DENND1A: variants seen among roughly 807,000 people sequenced by gnomAD.
DENND1A encodes the protein DENN domain containing 1A.
A neutral mutation model predicts 113.7 loss-of-function variants in DENND1A; 51 were observed. That is an observed-to-expected ratio of 0.45 (90% CI 0.36 to 0.57). DENND1A has a LOEUF of 0.57. Among genes scored for constraint, DENND1A ranks in the 20% least tolerant of loss-of-function variants. The probability of loss-of-function intolerance (pLI) is 0.00; values close to 1 mark genes in which losing one functional copy is unlikely to be tolerated. For synonymous variants in DENND1A, 565 were observed against 570.8 expected, an observed-to-expected ratio of 0.99 and a Z score of 0.14; for missense variants, 1,258 against 1,395.9, an observed-to-expected ratio of 0.90 and a Z score of 1.57.
chr9:123,630,374 A>ACCAGCAGTAGT lies in DENND1A; in HGVS notation c.710_719+1dup. ...AGCAGAGGACAGGGCCAGCCACCTTACCAGCAGTAGTCCAGCAGATGCGGC... is the reference window on the plus strand; with the variant it reads ...AGCAGAGGACAGGGCCAGCCACCTTACCAGCAGTAGTCCAGCAGTAGTCCAGCAGATGCGGC... On this transcript the variant is annotated splice_donor_variant, in intron 10 of 23. Transcript: ENST00000394215. LOFTEE classifies it high-confidence loss of function. 6.3e-7 allele frequency: 1 copy of ACCAGCAGTAGT among 1,589,672 alleles called. No individual in the cohort carries two copies.
At chr9:123,498,662 G>A (rs1293897403) in intron 13 of DENND1A, among the ~76,000 whole-genome samples, 1 of 152,156 alleles carries the variant, frequency 6.6e-6, no homozygotes, top group Non-Finnish European at 1.5e-5. Context: ...GGGGTCCAAT[G>A]GGCAAGTGTA....
chr9:123,706,490 G>A (rs895632923), intron 5 of DENND1A, among the ~76,000 whole-genome samples: 4 of 151,978 alleles, frequency 2.6e-5, no homozygotes, highest in Admixed American at 2.0e-4. Context: ...GAGAAGGGTC[G>A]GCTGGGCGCG....
intron 3 of DENND1A, among the ~76,000 whole-genome samples, chr9:123,786,519 T>C (rs1832205343): frequency 1.3e-5 from 2 of 152,182 alleles, no homozygotes; most frequent in Admixed American, 1.3e-4. Context: ...AGAGACGGAA[T>C]CTACTTCTCT....
At chr9:123,538,753 T>C (rs1589041052) in intron 13 of DENND1A, among the ~76,000 whole-genome samples, 1 of 89,628 alleles carries the variant, frequency 1.1e-5, no homozygotes, top group Non-Finnish European at 2.2e-5. Flanking sequence ...TGTGTGAGTG[T>C]GTGTGTGTGT....
At chr9:123,754,605 A>C (rs986740323) in intron 5 of DENND1A, among the ~76,000 whole-genome samples, 1 of 152,204 alleles carries the variant, frequency 6.6e-6, no homozygotes, top group Admixed American at 6.5e-5. Context: ...CCATCTCCCC[A>C]GCTAGTCTGG....
chr9:123,806,214 A>T (rs1483466027), intron 2 of DENND1A, among the ~76,000 whole-genome samples: 1 of 151,588 alleles, frequency 6.6e-6, no homozygotes, highest in South Asian at 2.1e-4. Context: ...TCAGCCTCCC[A>T]AAGTGCTGGG....
At chr9:123,669,062 A>G (rs1458492917) in intron 7 of DENND1A, among the ~76,000 whole-genome samples, 3 of 152,224 alleles carry the variant, frequency 2.0e-5, no homozygotes, top group Admixed American at 1.3e-4. Context: ...TGTTATATAT[A>G]TGAAATGCTT....
chr9:123,902,349 T>A (rs1044819712), intron 1 of DENND1A, among the ~76,000 whole-genome samples: 1 of 152,218 alleles, frequency 6.6e-6, no homozygotes, highest in Admixed American at 6.5e-5. Context: ...TCTAACAGAA[T>A]GCACTCTAGA....
intron 1 of DENND1A, among the ~76,000 whole-genome samples, chr9:123,881,386 A>G (rs1373068491): frequency 6.6e-6 from 1 of 152,226 alleles, no homozygotes; most frequent in Non-Finnish European, 1.5e-5. Context: ...AGGTTCTTTC[A>G]TGAGTAATAG....
At chr9:123,617,633 G>C (rs2060723356) in intron 10 of DENND1A, among the ~76,000 whole-genome samples, 1 of 152,200 alleles carries the variant, frequency 6.6e-6, no homozygotes, top group African/African-American at 2.4e-5. Flanking sequence ...GAGCCTCCTT[G>C]GCCTACCGGA....
chr9:123,752,573 C>T (rs1395056490), intron 5 of DENND1A, among the ~76,000 whole-genome samples: 1 of 152,114 alleles, frequency 6.6e-6, no homozygotes, highest in Non-Finnish European at 1.5e-5. Context: ...ACATATCTCC[C>T]CATAACCCTC....
rs376621507 is a variant in DENND1A, at chr9:123,878,941, T to C, written c.88+10A>G. The C allele has an allele frequency of 8.9e-5, 143 of 1,613,574 alleles. 1 individual carries two copies. The South Asian group carries it at 1.5e-3, about 17-fold the overall frequency. ...TAACACACCATATCATAATCAAACA[T>C]GCAAAGTACCTGAAAGAGTGCCACC... On this transcript the variant is annotated intron_variant, in intron 2 of 23. Transcript: ENST00000394215.
rs202191290 is a variant in DENND1A, at chr9:123,382,593, G to A, written c.2052C>T (p.Arg684=). ...RLDLGGSERS[R]GVTVALKLTH... is the part of the protein sequence containing the mutation. ...TAAGCTTCAAGGCCACTGTCACCCCGCGGCTCCTCTCACTCCCGCCCAGAT... is the reference window on the plus strand; with the variant it reads ...TAAGCTTCAAGGCCACTGTCACCCCACGGCTCCTCTCACTCCCGCCCAGAT... The change falls in exon 24 of 24, where the codon CGC becomes CGT. Residue 684 remains arginine, a synonymous_variant. Transcript: ENST00000394215. 7.4e-5 allele frequency: 120 copies of A among 1,614,056 alleles called. No individual in the cohort carries two copies. The East Asian group carries it at 1.6e-3, about 22-fold the overall frequency.
chr9:123,567,979 A>G (rs1222690806), intron 12 of DENND1A, among the ~76,000 whole-genome samples: 1 of 152,218 alleles, frequency 6.6e-6, no homozygotes, highest in Non-Finnish European at 1.5e-5. Context: ...GAAAAGCAAA[A>G]CTAAAACTAT....
intron 13 of DENND1A, among the ~76,000 whole-genome samples, chr9:123,529,140 CAAAT>C (rs1325255001): frequency 1.3e-5 from 2 of 152,062 alleles, no homozygotes; most frequent in African/African-American, 4.8e-5. Flanking sequence ...TTTTTTTAAA[CAAAT>C]GAATGAATGA....
intron 5 of DENND1A, among the ~76,000 whole-genome samples, chr9:123,706,196 T>G (rs2066189576): frequency 6.7e-6 from 1 of 149,128 alleles, no homozygotes; most frequent in Non-Finnish European, 1.5e-5. Context: ...CAGGCCGGAC[T>G]GCGGACTGCA....
intron 2 of DENND1A, among the ~76,000 whole-genome samples, chr9:123,816,715 T>A (rs1029916776): frequency 1.3e-5 from 2 of 152,230 alleles, no homozygotes; most frequent in Admixed American, 1.3e-4. Context: ...TAGGACCAAA[T>A]GCAATGTTAT....
At chr9:123,387,668 G>A (rs576314364) in intron 22 of DENND1A, 62 bp downstream of exon 22, 20 of 1,270,038 alleles carry the variant, frequency 1.6e-5, no homozygotes, top group East Asian at 5.7e-5. Context: ...CCCCGCTTTC[G>A]CCATGCAGCC....
At chr9:123,832,183 T>TA (rs1260967214) in intron 2 of DENND1A, among the ~76,000 whole-genome samples, 1 of 151,958 alleles carries the variant, frequency 6.6e-6, no homozygotes, top group Admixed American at 6.6e-5. Flanking sequence ...TTATAACACA[T>TA]AACCAAAGAA....
Sources: allele counts gnomAD v4.1 joint callset (sites outside exome capture counted in the v4.1 genomes callset), GRCh38; gene constraint gnomAD v4.1.1; transcripts MANE v1.5; gene names NCBI Gene and HGNC (gene_info 2026-07-23, HGNC 2026-07-21).